The following FIG4 variants were observed in gnomAD, a reference collection of about 807,000 sequenced individuals.
The protein encoded by FIG4 is polyphosphoinositide phosphatase.
Under a neutral mutation model 118.6 loss-of-function variants are expected in FIG4, and 112 were observed. The observed-to-expected ratio is 0.94, with a 90% CI of 0.81 to 1.11. The LOEUF (loss-of-function observed/expected upper bound fraction) is 1.11. Ranked by LOEUF, FIG4 falls within the 50% of genes least tolerant of loss-of-function variation. The pLI is 0.00. For synonymous variants in FIG4, 369 were observed against 381.2 expected (o/e 0.97, Z 0.37); for missense variants, 969 against 1,111.7 (o/e 0.87, Z 1.83).
chr6:109,749,619 AAAGT>A (rs1410291237), intron 10 of FIG4, among the ~76,000 whole-genome samples: 1 of 151,952 alleles, frequency 6.6e-6, no homozygotes, highest in African/African-American at 2.4e-5. Context: ...AATAAAATAA[AAAGT>A]AAGTTCATGT....
chr6:109,791,511 G>A lies in FIG4; in HGVS notation c.2316G>A (p.Val772=), dbSNP rs1778136567. 2 of 1,613,934 alleles carry A rather than the reference G, an allele frequency of 1.2e-6. No homozygotes were observed. Among genetic ancestry groups the A allele is most frequent in the Admixed American group, 1.7e-5 (1 of 60,000 alleles). The change falls in exon 20 of 23, where the codon GTG becomes GTA. Residue 772 remains valine (V), a synonymous_variant. Transcript: ENST00000230124. ...CTGATCGGGAAGAAGAGGGCTCTGT[G>A]TCTCAGCGCTCCACTCCCGTGAAGA... The part of the protein sequence containing the change: ...SGTDREEEGS[V]SQRSTPVKMT...
chr6:109,805,982 C>A (rs1778553364), intron 22 of FIG4, among the ~76,000 whole-genome samples: 1 of 152,070 alleles, frequency 6.6e-6, no homozygotes, highest in East Asian at 1.9e-4. Flanking sequence ...AAATGTTTAA[C>A]AGATAGAAAA....
intron 3 of FIG4, among the ~76,000 whole-genome samples, chr6:109,719,199 G>T (rs978256734): frequency 4.6e-5 from 7 of 152,068 alleles, no homozygotes; most frequent in Non-Finnish European, 1.0e-4. Flanking sequence ...GATTGCAGAT[G>T]TGAGTCACTA....
chr6:109,707,320 T>C (rs1300321452), intron 1 of FIG4, among the ~76,000 whole-genome samples: 1 of 147,868 alleles, frequency 6.8e-6, no homozygotes, highest in Admixed American at 6.8e-5. Context: ...TGTGTATATA[T>C]ATATGTATAG....
intron 22 of FIG4, among the ~76,000 whole-genome samples, chr6:109,803,769 TC>T (rs1778490861): frequency 1.3e-5 from 1 of 77,694 alleles, no homozygotes; most frequent in African/African-American, 5.0e-5. Flanking sequence ...CCTTCCCCCC[TC>T]CCCCCACCCC....
chr6:109,789,772 T>C (rs1778086693), intron 19 of FIG4, 95 bp downstream of exon 19: 5 of 838,386 alleles, frequency 6.0e-6, no homozygotes, highest in Admixed American at 5.7e-5. Flanking sequence ...CTTCAGGTCA[T>C]ATATAGTTTA....
intron 10 of FIG4, among the ~76,000 whole-genome samples, chr6:109,746,646 C>T (rs1352099686): frequency 6.6e-6 from 1 of 152,088 alleles, no homozygotes; most frequent in African/African-American, 2.4e-5. Context: ...TTGTAGGCTG[C>T]ATTAATGAGC....
chr6:109,738,665 AG>A (rs1776234174), intron 7 of FIG4, among the ~76,000 whole-genome samples: 1 of 152,198 alleles, frequency 6.6e-6, no homozygotes, highest in Non-Finnish European at 1.5e-5. Flanking sequence ...ATAAATAACA[AG>A]GAAGAAAATG....
At chr6:109,719,570 T>G (rs1043822792) in intron 3 of FIG4, among the ~76,000 whole-genome samples, 1 of 152,100 alleles carries the variant, frequency 6.6e-6, no homozygotes, top group Admixed American at 6.6e-5. Flanking sequence ...TTTTCTTTTT[T>G]TTTTTAGAGG....
In FIG4 at chr6:109,735,191, C is replaced by T; in HGVS notation, c.539C>T (p.Thr180Ile). The T allele has an allele frequency of 6.2e-7, 1 of 1,612,718 alleles. No individual in the cohort carries two copies. Among genetic ancestry groups the T allele is most frequent in the Non-Finnish European group, 8.5e-7 (1 of 1,178,876 alleles). The change falls in exon 6 of 23, where the codon ACT becomes ATT. Residue 180 changes from threonine to isoleucine, a missense_variant. Thr to Ile is a moderately conservative substitution (Grantham distance 89). This residue lies in a region of FIG4 where 393 missense variants were observed against 409.4 expected (regional missense o/e 0.96). Coordinates refer to ENST00000230124, the MANE Select transcript of FIG4 (RefSeq NM_014845.6). ...DLSHSLQYNLTVLRMPLEMLK... is the reference protein window; with the variant it reads ...DLSHSLQYNLIVLRMPLEMLK... ...TCCCACTCACTTCAATATAATCTCA[C>T]TGTCTTGCGAATGCCCCTGGAGATG... is the stretch of plus-strand genomic sequence containing the variant.
intron 3 of FIG4, 39 bp from the exon 4 acceptor site, chr6:109,727,070 G>A (rs1775841633): frequency 6.6e-7 from 1 of 1,521,784 alleles, no homozygotes; most frequent in African/African-American, 1.4e-5. Context: ...CCATTACTAA[G>A]TTTATAAAGC....
At chr6:109,726,266 T>G (rs558028793) in intron 3 of FIG4, among the ~76,000 whole-genome samples, 41 of 152,340 alleles carry the variant, frequency 2.7e-4, no homozygotes, top group Middle Eastern at 6.8e-3. Flanking sequence ...CATCTTGAGT[T>G]AATTTTTGTA....
At chr6:109,820,778 C>T (rs750059426) in intron 22 of FIG4, among the ~76,000 whole-genome samples, 10 of 152,168 alleles carry the variant, frequency 6.6e-5, no homozygotes, top group Admixed American at 1.3e-4. Flanking sequence ...CAAAACCAGG[C>T]ACCTACAGAC....
At chr6:109,692,698 T>C (rs1162083815) in intron 1 of FIG4, among the ~76,000 whole-genome samples, 1 of 149,462 alleles carries the variant, frequency 6.7e-6, no homozygotes, top group African/African-American at 2.5e-5. Context: ...ATAAATAACT[T>C]TTTTTTTTTT....
chr6:109,730,616 A>G (rs754559241), intron 4 of FIG4, among the ~76,000 whole-genome samples: 2 of 152,184 alleles, frequency 1.3e-5, no homozygotes, highest in African/African-American at 4.8e-5. Context: ...GAGAAAGCCT[A>G]GAAAAAGATC....
intron 10 of FIG4, among the ~76,000 whole-genome samples, chr6:109,751,003 A>G (rs959982803): frequency 5.3e-5 from 8 of 152,172 alleles, no homozygotes; most frequent in African/African-American, 1.9e-4. Flanking sequence ...ATTCTTATCT[A>G]ATTATTTCAT....
chr6:109,753,068 T>C (rs1054967933), intron 10 of FIG4, among the ~76,000 whole-genome samples: 1 of 152,174 alleles, frequency 6.6e-6, no homozygotes, highest in Non-Finnish European at 1.5e-5. Flanking sequence ...GCTAGCCAGT[T>C]TTCCCAGCAC....
chr6:109,772,937 G>A (rs1777511035), intron 15 of FIG4, among the ~76,000 whole-genome samples: 1 of 152,142 alleles, frequency 6.6e-6, no homozygotes. Flanking sequence ...TTAAAATGAA[G>A]TCAAAATGTC....
intron 22 of FIG4, among the ~76,000 whole-genome samples, chr6:109,809,085 T>C (rs73525129): frequency 0.14 from 21,920 of 152,212 alleles, 2,332 homozygotes; most frequent in African/African-American, 0.29. Context: ...CAACTAACCT[T>C]TAAGAAACTT....
Sources: gnomAD v4.1 joint callset for allele counts (sites outside exome capture counted in the v4.1 genomes callset) on GRCh38, gnomAD v4.1.1 for gene constraint, gnomAD v4.1.1 regional missense constraint, MANE v1.5 for transcripts, NCBI Gene and HGNC (gene_info 2026-07-23, HGNC 2026-07-21) for gene names.